The following DESI2 variants were observed in gnomAD, a reference collection of about 807,000 sequenced individuals.
DESI2 encodes deubiquitinase DESI2.
DESI2 carries 10 observed loss-of-function variants against 24.1 expected under a neutral mutation model. The ratio of observed to expected loss-of-function variants is 0.41; its 90% CI spans 0.26 to 0.70. The LOEUF is 0.70. Ranked by LOEUF, DESI2 falls within the 30% of genes least tolerant of loss-of-function variation. The pLI is 0.29. For synonymous variants in DESI2, 71 were observed against 87.7 expected, an observed-to-expected ratio of 0.81 and a Z score of 1.06; for missense variants, 122 against 234.9, an observed-to-expected ratio of 0.52 and a Z score of 3.14.
chr1:244,653,452 G>A, intron 1 of DESI2, 97 bp downstream of exon 1: 1 of 1,303,112 alleles, frequency 7.7e-7, no homozygotes, highest in Non-Finnish European at 1.0e-6. Context: ...CCTGCCTGGC[G>A]TCTCCGCCTC....
At chr1:244,659,182 C>G (rs1423226341) in intron 1 of DESI2, among the ~76,000 whole-genome samples, 3 of 95,014 alleles carry the variant, frequency 3.2e-5, no homozygotes, top group African/African-American at 8.5e-5. Context: ...GTCCTCTTTT[C>G]TTTTTTAGGG....
At chr1:244,657,656 AT>A (rs1462132255) in intron 1 of DESI2, among the ~76,000 whole-genome samples, 1 of 152,240 alleles carries the variant, frequency 6.6e-6, no homozygotes, top group East Asian at 1.9e-4. Flanking sequence ...CAGCTGTGCC[AT>A]CAAGAACCAG....
chr1:244,695,759 C>G (rs748330171), intron 4 of DESI2, among the ~76,000 whole-genome samples: 1 of 152,128 alleles, frequency 6.6e-6, no homozygotes, highest in Non-Finnish European at 1.5e-5. Flanking sequence ...CCACTCCAGC[C>G]CCAAATTGTT....
intron 1 of DESI2, among the ~76,000 whole-genome samples, chr1:244,661,484 T>C (rs1675839655): frequency 6.6e-6 from 1 of 152,164 alleles, no homozygotes; most frequent in Non-Finnish European, 1.5e-5. Flanking sequence ...TATGTATACA[T>C]GTGCCGTGTT....
intron 1 of DESI2, among the ~76,000 whole-genome samples, chr1:244,660,157 T>G (rs958414082): frequency 7.4e-6 from 1 of 134,980 alleles, no homozygotes; most frequent in Non-Finnish European, 1.6e-5. Context: ...GATTTTTCTT[T>G]TTTTGTTGTT....
intron 1 of DESI2, among the ~76,000 whole-genome samples, 174 bp from the exon 2 acceptor site, chr1:244,686,423 A>G (rs1676826692): frequency 6.6e-6 from 1 of 152,178 alleles, no homozygotes; most frequent in Non-Finnish European, 1.5e-5. Flanking sequence ...ATTTTGACCC[A>G]GGAAGGCATT....
chr1:244,672,767 C>T (rs1330228425), intron 1 of DESI2, among the ~76,000 whole-genome samples: 1 of 152,076 alleles, frequency 6.6e-6, no homozygotes, highest in East Asian at 1.9e-4. Flanking sequence ...ATCCCAGCTA[C>T]TCTGGAGGCT....
chr1:244,703,550 T>C (rs553917100), intron 4 of DESI2, among the ~76,000 whole-genome samples: 176 of 152,162 alleles, frequency 1.2e-3, no homozygotes, highest in African/African-American at 4.1e-3. Flanking sequence ...AAGGTCTTAC[T>C]ATGTTGCCCA....
chr1:244,697,950 C>T (rs780007305), intron 4 of DESI2, among the ~76,000 whole-genome samples: 21 of 152,190 alleles, frequency 1.4e-4, no homozygotes, highest in Non-Finnish European at 2.6e-4. Context: ...ACGCCCTCAA[C>T]CCCATTCCAG....
intron 1 of DESI2, among the ~76,000 whole-genome samples, chr1:244,659,477 A>G (rs1675763748): frequency 6.6e-6 from 1 of 152,182 alleles, no homozygotes; most frequent in African/African-American, 2.4e-5. Context: ...TTATATTTGT[A>G]GGTCTGAGGT....
At chr1:244,658,789 A>G (rs1403777330) in intron 1 of DESI2, among the ~76,000 whole-genome samples, 1 of 152,202 alleles carries the variant, frequency 6.6e-6, no homozygotes, top group Non-Finnish European at 1.5e-5. Context: ...TTGTTGGACT[A>G]GGGTGTCCAG....
chr1:244,663,990 C>T (rs1675950173), intron 1 of DESI2, among the ~76,000 whole-genome samples: 1 of 144,462 alleles, frequency 6.9e-6, no homozygotes, highest in Admixed American at 7.1e-5. Flanking sequence ...TGCACGCCAG[C>T]CTGGGCGACA....
At chr1:244,699,052 T>C (rs530682349) in intron 4 of DESI2, among the ~76,000 whole-genome samples, 3 of 152,290 alleles carry the variant, frequency 2.0e-5, no homozygotes, top group African/African-American at 7.2e-5. Context: ...ACAGTGGACT[T>C]ACCAGTTTGC....
At chr1:244,653,432 C>A in intron 1 of DESI2, 77 bp downstream of exon 1, 1 of 1,445,236 alleles carries the variant, frequency 6.9e-7, no homozygotes, top group Non-Finnish European at 9.2e-7. Flanking sequence ...GACCCCGGCC[C>A]CAGGCGCTTC....
intron 1 of DESI2, among the ~76,000 whole-genome samples, chr1:244,669,909 T>A (rs1447712384): frequency 6.6e-6 from 1 of 152,188 alleles, no homozygotes; most frequent in African/African-American, 2.4e-5. Flanking sequence ...ACTACTGTCT[T>A]ACTTGAAGAA....
chr1:244,660,959 T>C (rs1211910715), intron 1 of DESI2, among the ~76,000 whole-genome samples: 1 of 152,228 alleles, frequency 6.6e-6, no homozygotes, highest in Non-Finnish European at 1.5e-5. Context: ...GGCCTTCATT[T>C]CCTTTTCTAG....
At chr1:244,656,794 A>G (rs569869929) in intron 1 of DESI2, among the ~76,000 whole-genome samples, 3 of 152,212 alleles carry the variant, frequency 2.0e-5, no homozygotes, top group Non-Finnish European at 4.4e-5. Flanking sequence ...TATTTTATTT[A>G]TTTGTTTTCT....
intron 4 of DESI2, among the ~76,000 whole-genome samples, chr1:244,700,932 G>A (rs1194150824): frequency 6.6e-6 from 1 of 152,128 alleles, no homozygotes; most frequent in East Asian, 1.9e-4. Context: ...AAATTCATGT[G>A]TTTTACAGTT....
At chr1:244,674,185 A>C (rs993284646) in intron 1 of DESI2, among the ~76,000 whole-genome samples, 4 of 151,564 alleles carry the variant, frequency 2.6e-5, no homozygotes, top group Non-Finnish European at 5.9e-5. Context: ...TTTTTGTAGA[A>C]ACGGGGTTTC....
Sources: gnomAD v4.1 joint callset for allele counts (sites outside exome capture counted in the v4.1 genomes callset) on GRCh38, gnomAD v4.1.1 for gene constraint, MANE v1.5 for transcripts, NCBI Gene and HGNC (gene_info 2026-07-23, HGNC 2026-07-21) for gene names.